Variants in CBR4 observed in about 807,000 individuals in gnomAD.
The protein encoded by CBR4 is 3-oxoacyl-[acyl-carrier-protein] reductase.
Under a neutral mutation model 21.0 loss-of-function variants are expected in CBR4, and 22 were observed. The observed-to-expected ratio is 1.05, with a 90% CI of 0.75 to 1.50. The LOEUF (loss-of-function observed/expected upper bound fraction) is 1.50. Ranked by LOEUF, CBR4 falls within the 40% of genes most tolerant of loss-of-function variation. The pLI is 0.00. For synonymous variants in CBR4, 100 were observed against 104.4 expected (o/e 0.96, Z 0.26); for missense variants, 302 against 286.3 (o/e 1.05, Z -0.40).
Position 168,989,499 on chromosome 4 carries a change from C to A in CBR4, c.*651G>T. ...TGTCTTTAATGAATACTATGTTTTG[C>A]AACCTGTATAAAAACTGATCACCCA... is the stretch of plus-strand genomic sequence containing the variant. On this transcript the variant is annotated 3_prime_UTR_variant, in exon 5 of 5. Transcript: ENST00000306193. 1.0e-6 allele frequency: 1 copy of A among 985,340 alleles called. No homozygotes were observed. The highest frequency in any genetic ancestry group is 1.2e-6 in the Non-Finnish European group (1 of 829,862). The allele number at this position is 985,340 out of a possible 1,614,324, so 61.0% of individuals were successfully genotyped here.
chr4:168,930,038 C>G (rs1422537293), intron 2 of CBR4, among the ~76,000 whole-genome samples: 1 of 152,068 alleles, frequency 6.6e-6, no homozygotes, highest in Non-Finnish European at 1.5e-5. Flanking sequence ...TATAAAATAC[C>G]TGGGACTGTC....
At chr4:168,960,637 A>G (rs1763822766) in intron 2 of CBR4, among the ~76,000 whole-genome samples, 1 of 152,244 alleles carries the variant, frequency 6.6e-6, no homozygotes, top group African/African-American at 2.4e-5. Context: ...TTTCCTTTTT[A>G]AAAACACCTT....
chr4:168,960,285 G>A (rs540576901), intron 2 of CBR4, among the ~76,000 whole-genome samples: 3 of 152,174 alleles, frequency 2.0e-5, no homozygotes, highest in South Asian at 2.1e-4. Context: ...TGTTTTTAAC[G>A]CAGTAAACAT....
chr4:168,925,167 T>C, intron 2 of CBR4: 5 of 1,582,682 alleles, frequency 3.2e-6, no homozygotes, highest in Non-Finnish European at 4.3e-6. Context: ...TTACTCTTTA[T>C]AAACAACTAT....
chr4:168,968,535 GT>G (rs1297994481), intron 2 of CBR4, among the ~76,000 whole-genome samples: 1 of 152,190 alleles, frequency 6.6e-6, no homozygotes, highest in Non-Finnish European at 1.5e-5. Context: ...CACTCTCCAT[GT>G]CAATAGTTGC....
At chr4:168,930,874 T>C (rs1270316483) in intron 2 of CBR4, among the ~76,000 whole-genome samples, 2 of 152,182 alleles carry the variant, frequency 1.3e-5, no homozygotes, top group Non-Finnish European at 2.9e-5. Flanking sequence ...CTGAACCGAC[T>C]TTAGAGAGCC....
At chr4:168,948,472 T>C (rs1485488952) in intron 2 of CBR4, among the ~76,000 whole-genome samples, 2 of 152,230 alleles carry the variant, frequency 1.3e-5, no homozygotes, top group African/African-American at 4.8e-5. Context: ...TTTCCAATGT[T>C]ATCTTCTAGA....
chr4:168,952,507 C>A (rs760154702), intron 2 of CBR4, among the ~76,000 whole-genome samples: 3 of 152,142 alleles, frequency 2.0e-5, no homozygotes, highest in Middle Eastern at 3.4e-3. Context: ...TGTCATATTA[C>A]CAGAGTTGGT....
intron 2 of CBR4, chr4:168,916,160 C>T: frequency 1.1e-6 from 1 of 901,840 alleles, no homozygotes; most frequent in Non-Finnish European, 1.8e-6. Context: ...CACCTATAAT[C>T]CCAGCACTTT....
At chr4:168,900,594 T>C (rs901988391) in intron 2 of CBR4, among the ~76,000 whole-genome samples, 7 of 152,226 alleles carry the variant, frequency 4.6e-5, no homozygotes, top group African/African-American at 1.7e-4. Flanking sequence ...TTGTTTTGTT[T>C]TCCCACCATG....
chr4:168,967,156 C>A (rs1764066341), intron 2 of CBR4, among the ~76,000 whole-genome samples: 1 of 152,154 alleles, frequency 6.6e-6, no homozygotes, highest in Non-Finnish European at 1.5e-5. Flanking sequence ...CACATATACA[C>A]CATGTAATAC....
chr4:169,008,711 GCTTCAAT>G (rs1731130078), intron 1 of CBR4, among the ~76,000 whole-genome samples: 1 of 152,110 alleles, frequency 6.6e-6, no homozygotes, highest in Non-Finnish European at 1.5e-5. Context: ...CCAACTAATG[GCTTCAAT>G]CCAGTCCAGC....
intron 2 of CBR4, among the ~76,000 whole-genome samples, chr4:168,954,956 G>A (rs1763642409): frequency 6.6e-6 from 1 of 152,214 alleles, no homozygotes; most frequent in Non-Finnish European, 1.5e-5. Flanking sequence ...ACTGAGAATG[G>A]TTCGGAATTA....
chr4:169,004,508 T>G (rs141552414), intron 3 of CBR4, among the ~76,000 whole-genome samples: 1 of 152,264 alleles, frequency 6.6e-6, no homozygotes, highest in Non-Finnish European at 1.5e-5. Context: ...ACTAAGTTTA[T>G]AGGATATTCT....
chr4:168,921,014 C>T (rs796479541), intron 2 of CBR4, among the ~76,000 whole-genome samples: 2 of 152,202 alleles, frequency 1.3e-5, no homozygotes, highest in African/African-American at 4.8e-5. Flanking sequence ...CTCTAGGTTG[C>T]TCTGTAAGAA....
At chr4:168,906,570 A>G (rs897295316) in intron 2 of CBR4, among the ~76,000 whole-genome samples, 2 of 152,332 alleles carry the variant, frequency 1.3e-5, no homozygotes, top group Middle Eastern at 3.4e-3. Context: ...ATAATATCAC[A>G]TTGTACCCCA....
intron 4 of CBR4, among the ~76,000 whole-genome samples, chr4:168,998,609 T>C (rs1765317980): frequency 6.6e-6 from 1 of 152,176 alleles, no homozygotes; most frequent in Non-Finnish European, 1.5e-5. Flanking sequence ...TGGTGAAGAT[T>C]GAACAATTCT....
At chr4:168,918,076 G>T (rs913694954) in intron 2 of CBR4, among the ~76,000 whole-genome samples, 1 of 151,936 alleles carries the variant, frequency 6.6e-6, no homozygotes, top group Non-Finnish European at 1.5e-5. Context: ...GCATGCATCT[G>T]TAGTCCCAGC....
chr4:168,926,266 G>A lies in CBR4; in HGVS notation n.170-31501C>T, dbSNP rs1762568574. On this transcript the variant is annotated intron_variant and non_coding_transcript_variant, in intron 2 of 3. Transcript: ENST00000509108. ...CAAGCCAAAAAAAGTACGGCCCTCAGCCAGTCGCTATGCAGCACTTTCGGA... is the reference window on the plus strand; with the variant it reads ...CAAGCCAAAAAAAGTACGGCCCTCAACCAGTCGCTATGCAGCACTTTCGGA... 6.5e-7 allele frequency: 1 copy of A among 1,536,884 alleles called. No homozygotes were observed. The highest frequency in any genetic ancestry group is 1.4e-5 in the African/African-American group (1 of 73,032).
Sources: allele counts gnomAD v4.1 joint callset (sites outside exome capture counted in the v4.1 genomes callset), GRCh38; gene constraint gnomAD v4.1.1; transcripts MANE v1.5; gene names NCBI Gene and HGNC (gene_info 2026-07-23, HGNC 2026-07-21).